FRMD4A: variants seen among roughly 807,000 people sequenced by gnomAD.
FRMD4A encodes FERM domain containing 4A, also known as FERM domain-containing protein 4A.
Under a neutral mutation model 129.1 loss-of-function variants are expected in FRMD4A, and 29 were observed. The observed-to-expected ratio is 0.22, with a 90% confidence interval of 0.17 to 0.31. The LOEUF (loss-of-function observed/expected upper bound fraction) is 0.31. Among genes scored for constraint, FRMD4A ranks in the 10% least tolerant of loss-of-function variants. FRMD4A has a pLI of 1.00. For synonymous variants in FRMD4A, 634 were observed against 571.6 expected, an observed-to-expected ratio of 1.11 and a Z score of -1.56; for missense variants, 1,272 against 1,375.8, an observed-to-expected ratio of 0.92 and a Z score of 1.19.
intron 2 of FRMD4A, among the ~76,000 whole-genome samples, chr10:13,965,333 A>T (rs1462480644): frequency 6.6e-6 from 1 of 152,142 alleles, no homozygotes. Flanking sequence ...AGCAGAAGAG[A>T]AAGAAGGTTT....
chr10:14,155,130 A>T (rs773592841), intron 2 of FRMD4A, among the ~76,000 whole-genome samples: 20 of 152,138 alleles, frequency 1.3e-4, no homozygotes, highest in African/African-American at 4.3e-4. Flanking sequence ...CTCTACAAAC[A>T]TATTTTTTAA....
At chr10:13,781,664 C>T (rs1020849365) in intron 6 of FRMD4A, among the ~76,000 whole-genome samples, 1 of 152,136 alleles carries the variant, frequency 6.6e-6, no homozygotes, top group African/African-American at 2.4e-5. Flanking sequence ...AGGCATGAGC[C>T]ACCACACACA....
chr10:14,019,020 T>C (rs1202633244), intron 2 of FRMD4A, among the ~76,000 whole-genome samples: 11 of 152,138 alleles, frequency 7.2e-5, no homozygotes, highest in South Asian at 4.1e-4. Context: ...GCACCTTTAC[T>C]GGAAGATGTC....
chr10:13,817,585 C>G (rs2093565376), intron 3 of FRMD4A, among the ~76,000 whole-genome samples: 1 of 152,202 alleles, frequency 6.6e-6, no homozygotes, highest in Admixed American at 6.5e-5. Flanking sequence ...GTTCCCCCAT[C>G]TATTCTGATG....
At chr10:14,149,615 C>T (rs1006828538) in intron 2 of FRMD4A, among the ~76,000 whole-genome samples, 1 of 152,214 alleles carries the variant, frequency 6.6e-6, no homozygotes, top group African/African-American at 2.4e-5. Flanking sequence ...AGTGATCCTC[C>T]TGCCTCAGCC....
At chr10:14,329,913 A>G in intron 2 of FRMD4A, 145 bp downstream of exon 2, 1 of 748,528 alleles carries the variant, frequency 1.3e-6, no homozygotes, top group Non-Finnish European at 2.3e-6. Context: ...ACTCTGACCC[A>G]AGAAAGCATT....
chr10:14,199,378 C>T (rs1485685794), intron 2 of FRMD4A, among the ~76,000 whole-genome samples: 2 of 150,968 alleles, frequency 1.3e-5, no homozygotes, highest in African/African-American at 4.9e-5. Context: ...AGTGCAGTGG[C>T]GTGATCTCAA....
chr10:14,136,490 A>G (rs911457646), intron 2 of FRMD4A, among the ~76,000 whole-genome samples: 3 of 152,120 alleles, frequency 2.0e-5, no homozygotes, highest in Non-Finnish European at 4.4e-5. Flanking sequence ...CCTATTGCTT[A>G]TGTAAAAATG....
At chr10:13,805,321 G>A (rs2093340670) in intron 4 of FRMD4A, among the ~76,000 whole-genome samples, 2 of 151,692 alleles carry the variant, frequency 1.3e-5, no homozygotes, top group East Asian at 1.9e-4. Flanking sequence ...ATTATTAATT[G>A]GTATGTGAAA....
intron 2 of FRMD4A, among the ~76,000 whole-genome samples, chr10:14,109,617 A>T (rs999899089): frequency 6.6e-6 from 1 of 152,220 alleles, no homozygotes; most frequent in African/African-American, 2.4e-5. Flanking sequence ...AGCAAAATTC[A>T]TCAAGAATTT....
intron 2 of FRMD4A, among the ~76,000 whole-genome samples, chr10:13,904,110 G>C (rs545636631): frequency 1.2e-4 from 19 of 152,292 alleles, no homozygotes; most frequent in Non-Finnish European, 2.4e-4. Context: ...AGGCACTGGT[G>C]GGGGCTGGGA....
intron 2 of FRMD4A, among the ~76,000 whole-genome samples, chr10:14,150,173 C>G (rs1840271669): frequency 6.6e-6 from 1 of 152,196 alleles, no homozygotes; most frequent in African/African-American, 2.4e-5. Context: ...TCCCTCAACA[C>G]TGGGGATTAC....
intron 2 of FRMD4A, among the ~76,000 whole-genome samples, chr10:14,028,537 A>C (rs145763994): frequency 1.3e-5 from 2 of 152,168 alleles, no homozygotes; most frequent in South Asian, 4.1e-4. Context: ...AAGGTTGATG[A>C]AATAAACATA....
At chr10:13,994,175 ATTTTTTTTT>A (rs549621959) in intron 2 of FRMD4A, among the ~76,000 whole-genome samples, 4 of 101,954 alleles carry the variant, frequency 3.9e-5, no homozygotes, top group East Asian at 2.5e-4. Context: ...CGCCCAGCTA[ATTTTTTTTT>A]TTTTTTTTTT....
chr10:14,283,439 C>A (rs184390530), intron 2 of FRMD4A, among the ~76,000 whole-genome samples: 16 of 152,106 alleles, frequency 1.1e-4, no homozygotes, highest in Admixed American at 4.6e-4. Context: ...CCCTCTATAT[C>A]CCTATATTCA....
chr10:13,816,161 A>C (rs893790431), intron 3 of FRMD4A, among the ~76,000 whole-genome samples: 1 of 152,246 alleles, frequency 6.6e-6, no homozygotes, highest in African/African-American at 2.4e-5. Flanking sequence ...TATAGACCAT[A>C]TGTATCAATT....
intron 18 of FRMD4A, 24 bp downstream of exon 18, chr10:13,666,072 TG>T: frequency 6.9e-7 from 1 of 1,445,360 alleles, no homozygotes; most frequent in Non-Finnish European, 9.7e-7. Flanking sequence ...GGGAGTGGGG[TG>T]GGGGCAGCCC....
chr10:14,168,016 AAG>A (rs1841282096), intron 2 of FRMD4A, among the ~76,000 whole-genome samples: 1 of 152,156 alleles, frequency 6.6e-6, no homozygotes, highest in African/African-American at 2.4e-5. Context: ...GGATTTCTGG[AAG>A]AGAGGACCAA....
At chr10:14,179,574 C>T (rs1404563542) in intron 2 of FRMD4A, among the ~76,000 whole-genome samples, 2 of 152,136 alleles carry the variant, frequency 1.3e-5, no homozygotes, top group Non-Finnish European at 2.9e-5. Context: ...AAAATTTTCA[C>T]CTGCTATGTA....
Sources: gnomAD v4.1 joint callset for allele counts (sites outside exome capture counted in the v4.1 genomes callset) on GRCh38, gnomAD v4.1.1 for gene constraint, MANE v1.5 for transcripts, NCBI Gene and HGNC (gene_info 2026-07-23, HGNC 2026-07-21) for gene names.